The following SERAC1 variants were observed in gnomAD, a reference collection of about 807,000 sequenced individuals.
The protein encoded by SERAC1 is serine active site containing 1.
Under a neutral mutation model 85.7 loss-of-function variants are expected in SERAC1, and 36 were observed. That is an observed-to-expected ratio of 0.42 (90% CI 0.32 to 0.55). SERAC1 has a LOEUF of 0.55. Among genes scored for constraint, SERAC1 ranks in the 20% least tolerant of loss-of-function variants. The probability of loss-of-function intolerance (pLI) is 0.11; values close to 1 mark genes in which losing one functional copy is unlikely to be tolerated. For synonymous variants in SERAC1, 242 were observed against 265.3 expected, an observed-to-expected ratio of 0.91 and a Z score of 0.85; for missense variants, 629 against 796.2, an observed-to-expected ratio of 0.79 and a Z score of 2.53.
chr6:158,132,377 G>A (rs889652046), intron 8 of SERAC1, among the ~76,000 whole-genome samples: 4 of 152,098 alleles, frequency 2.6e-5, no homozygotes, highest in Admixed American at 2.6e-4. Flanking sequence ...TTGGATCTCA[G>A]AGTCACATCA....
chr6:158,135,857 T>C lies in SERAC1; in HGVS notation c.739-5371A>G, dbSNP rs975984683. Among the ~76,000 whole-genome samples the C allele has an allele frequency of 2.0e-5, 3 of 152,192 alleles. No individual in the cohort carries two copies. In the East Asian group the frequency reaches 5.8e-4, roughly 29 times the overall value. On this transcript the variant is annotated intron_variant, in intron 8 of 16. Transcript: ENST00000647468. ...CGGAGTCTCACTCTGTCACCCAGGC[T>C]GGAGTGCAGTGGTGCAATCTTGGCT...
At chr6:158,131,703 A>C (rs962605486) in intron 8 of SERAC1, among the ~76,000 whole-genome samples, 2 of 152,096 alleles carry the variant, frequency 1.3e-5, no homozygotes, top group Non-Finnish European at 2.9e-5. Flanking sequence ...GATCAAGATC[A>C]CAAGTGCACA....
At chr6:158,112,320 G>A (rs1167764776) in intron 16 of SERAC1, 2 of 152,474 alleles carry the variant, frequency 1.3e-5, no homozygotes, top group Non-Finnish European at 2.9e-5. Flanking sequence ...GGCTGAAGTG[G>A]GAGGAACGCT....
At chr6:158,128,672 C>T (rs1299921434) in intron 9 of SERAC1, among the ~76,000 whole-genome samples, 1 of 152,146 alleles carries the variant, frequency 6.6e-6, no homozygotes, top group Non-Finnish European at 1.5e-5. Flanking sequence ...CCTGTGCAAG[C>T]GAACAGATTT....
At chr6:158,154,159 CAAAAAAAAAAA>C (rs3041474) in intron 3 of SERAC1, among the ~76,000 whole-genome samples, 7 of 66,056 alleles carry the variant, frequency 1.1e-4, no homozygotes, top group South Asian at 6.4e-4. Context: ...AACTCTGTCT[CAAAAAAAAAAA>C]AAAAAAAAAA....
intron 1 of SERAC1, among the ~76,000 whole-genome samples, chr6:158,166,392 T>C (rs778540963): frequency 6.6e-6 from 1 of 152,216 alleles, no homozygotes; most frequent in Non-Finnish European, 1.5e-5. Flanking sequence ...CATACCATCT[T>C]AATAATTACA....
chr6:158,129,749 T>G (rs1006490111), intron 9 of SERAC1, among the ~76,000 whole-genome samples: 2 of 151,492 alleles, frequency 1.3e-5, no homozygotes, highest in African/African-American at 4.9e-5. Context: ...CAGGCTGCAG[T>G]GCAGTGGCAC....
chr6:158,143,151 G>C lies in SERAC1; in HGVS notation c.643C>G (p.Leu215Val), dbSNP rs1007441782. 1 of 1,613,608 alleles carries C rather than the reference G, an allele frequency of 6.2e-7. No homozygotes were observed. The highest frequency in any genetic ancestry group is 1.7e-5 in the Admixed American group (1 of 59,970). The change falls in exon 8 of 17, where the codon CTG (leucine) becomes GTG (valine). Residue 215 changes from leucine (L) to valine (V), a missense_variant. Leu to Val is a conservative substitution (Grantham distance 32, BLOSUM62 1). Coordinates refer to ENST00000647468, the MANE Select transcript of SERAC1 (RefSeq NM_032861.4). Reference protein sequence around the residue: ...SSTEEELRQLLASLPQTELDE... With the variant: ...SSTEEELRQLVASLPQTELDE... Reference sequence around the variant, plus strand: ...AGCTCTGTTTGAGGTAAGGAAGCCAGCAACTGTCTGAGCTCTTCTTCAGTG... The same window carrying C: ...AGCTCTGTTTGAGGTAAGGAAGCCACCAACTGTCTGAGCTCTTCTTCAGTG...
chr6:158,156,028 A>G (rs1185517564), intron 2 of SERAC1, among the ~76,000 whole-genome samples: 1 of 152,056 alleles, frequency 6.6e-6, no homozygotes, highest in Non-Finnish European at 1.5e-5. Flanking sequence ...GCATGCCTGT[A>G]ATCCCAGCTG....
At chr6:158,115,343 CTG>C (rs1363424649) in intron 14 of SERAC1, among the ~76,000 whole-genome samples, 1 of 152,226 alleles carries the variant, frequency 6.6e-6, no homozygotes, top group Admixed American at 6.5e-5. Context: ...GATGACCACA[CTG>C]TCAGGACAGT....
At chr6:158,114,548 TTTTAAGTA>T (rs1784229345) in intron 15 of SERAC1, 1 of 1,203,422 alleles carries the variant, frequency 8.3e-7, no homozygotes. Context: ...ATTTTTCTAA[TTTTAAGTA>T]TTTAAGATAA....
chr6:158,163,245 G>C (rs1489750030), intron 1 of SERAC1, among the ~76,000 whole-genome samples: 4 of 152,132 alleles, frequency 2.6e-5, no homozygotes, highest in African/African-American at 9.7e-5. Flanking sequence ...CGTAGCCTTT[G>C]GGATGGTTTA....
intron 1 of SERAC1, among the ~76,000 whole-genome samples, chr6:158,165,319 CTATTTTTTTG>C (rs940300335): frequency 2.0e-5 from 3 of 152,108 alleles, no homozygotes; most frequent in Non-Finnish European, 4.4e-5. Context: ...CCACGCCCAG[CTATTTTTTTG>C]TATTTTTAGT....
In SERAC1 at chr6:158,130,581, TAGAA is replaced by T; in HGVS notation, c.739-99_739-96del. 13 of 703,314 alleles carry T rather than the reference TAGAA, an allele frequency of 1.8e-5. No homozygotes were observed. In the East Asian group the frequency reaches 3.8e-4, roughly 21 times the overall value. The allele number at this position is 703,314 out of a possible 1,614,324, so 43.6% of individuals were successfully genotyped here. A position where few individuals can be genotyped will look rare whatever the true frequency, so the allele number is the denominator to read the frequency against. ...AAATCTCTGTACTAATAGATGGTGT[TAGAA>T]AATACTAATGTGTAGGGCCTCAAAA... On this transcript the variant is annotated intron_variant, in intron 8 of 16. Transcript: ENST00000647468.
At chr6:158,147,108 G>A (rs1433542540) in intron 5 of SERAC1, among the ~76,000 whole-genome samples, 195 bp from the exon 6 acceptor site, 1 of 151,986 alleles carries the variant, frequency 6.6e-6, no homozygotes, top group Admixed American at 6.6e-5. Flanking sequence ...TGAATACTGT[G>A]TGTGCTTTTT....
intron 8 of SERAC1, among the ~76,000 whole-genome samples, chr6:158,136,025 T>C (rs903158140): frequency 6.6e-5 from 10 of 152,320 alleles, no homozygotes; most frequent in Admixed American, 5.9e-4. Context: ...TTAGCCAGCA[T>C]GGTCTCAATC....
intron 13 of SERAC1, chr6:158,116,590 A>G (rs544346089): frequency 7.4e-6 from 2 of 269,254 alleles, no homozygotes; most frequent in East Asian, 8.6e-5. Context: ...ACTTATTAAC[A>G]TTGGCCTAAT....
intron 3 of SERAC1, among the ~76,000 whole-genome samples, chr6:158,152,440 G>A (rs921953194): frequency 1.3e-5 from 2 of 151,972 alleles, no homozygotes; most frequent in African/African-American, 2.4e-5. Context: ...TGCTTGAACC[G>A]AGGAGGCAGA....
chr6:158,124,751 ACACAC>A (rs749668328), intron 10 of SERAC1, among the ~76,000 whole-genome samples: 1 of 35,732 alleles, frequency 2.8e-5, no homozygotes, highest in Non-Finnish European at 6.5e-5. Context: ...GCTGGAAAAC[ACACAC>A]ACACACACAC....
Sources: gnomAD v4.1 joint callset for allele counts (sites outside exome capture counted in the v4.1 genomes callset) on GRCh38, gnomAD v4.1.1 for gene constraint, MANE v1.5 for transcripts, NCBI Gene and HGNC (gene_info 2026-07-23, HGNC 2026-07-21) for gene names.